MGAT4D: variants seen among roughly 807,000 people sequenced by gnomAD.
MGAT4D encodes MGAT4 family member D.
In MGAT4D, 34 loss-of-function variants were observed where a neutral mutation model predicts 15.9. The ratio of observed to expected loss-of-function variants is 2.14; its 90% CI spans 1.62 to 2.84. The LOEUF (loss-of-function observed/expected upper bound fraction) is 2.84, where lower values mean the gene tolerates loss of function less well. MGAT4D is among the 30% of genes most tolerant of loss of function. The pLI is 0.00. For missense variants in MGAT4D, 327 were observed against 140.2 expected, an observed-to-expected ratio of 2.33 and a Z score of -6.73; for synonymous variants, 112 against 48.2, an observed-to-expected ratio of 2.33 and a Z score of -5.49.
At chr4:140,466,745 A>G (rs1263209961) in intron 5 of MGAT4D, among the ~76,000 whole-genome samples, 2 of 152,120 alleles carry the variant, frequency 1.3e-5, no homozygotes, top group Non-Finnish European at 2.9e-5. Context: ...TTCAACTTGC[A>G]CAATCATTTC....
intron 1 of MGAT4D, among the ~76,000 whole-genome samples, chr4:140,497,125 T>G (rs1733887888): frequency 6.6e-6 from 1 of 152,184 alleles, no homozygotes; most frequent in African/African-American, 2.4e-5. Flanking sequence ...GGCTAAAACA[T>G]GAAGCCACTC....
intron 10 of MGAT4D, among the ~76,000 whole-genome samples, chr4:140,449,191 T>C (rs925069806): frequency 5.3e-5 from 8 of 152,160 alleles, no homozygotes; most frequent in Non-Finnish European, 1.2e-4. Flanking sequence ...TTTCAGAAAG[T>C]ATGGTTTTGT....
chr4:140,482,478 T>C lies in MGAT4D; in HGVS notation c.102A>G (p.Gln34=), dbSNP rs1272602904. 12 of 633,952 alleles carry C rather than the reference T, an allele frequency of 1.9e-5. No individual in the cohort carries two copies. The highest frequency in any genetic ancestry group is 2.2e-5 in the Non-Finnish European group (8 of 361,376). The allele number at this position is 633,952 out of a possible 1,614,324, so 39.3% of individuals were successfully genotyped here. The change falls in exon 2 of 11, where the codon CAA becomes CAG. Residue 34 remains glutamine (Q), a synonymous_variant. Coordinates refer to ENST00000511113, the MANE Select transcript of MGAT4D (RefSeq NM_001277353.2). ...SIYRITQTNN[Q]LINCRNHILE... is the part of the protein sequence containing the mutation. ...AAATATGGTTTCTACAGTTAATTAA[T>C]TGATTATCTGCAATGAAAACATATG...
chr4:140,474,884 G>GTGTC lies in MGAT4D; in HGVS notation c.450_453dup (p.Leu152AspfsTer26). 1.4e-6 allele frequency: 1 copy of GTGTC among 699,252 alleles called. No homozygotes were observed. Among genetic ancestry groups the GTGTC allele is most frequent in the South Asian group, 1.5e-5 (1 of 66,738 alleles). 43.3% of individuals were successfully genotyped at this position (699,252 alleles called of 1,614,324 possible). On this transcript the variant is annotated frameshift_variant, in exon 4 of 11. Coordinates refer to ENST00000511113, the MANE Select transcript of MGAT4D (RefSeq NM_001277353.2). LOFTEE classifies it high-confidence loss of function. ...GTCATCCTGGAGACAACAGAGGTCAGTGTCTGTTTCAGGTAACTATAATTT... is the reference window on the plus strand; with the variant it reads ...GTCATCCTGGAGACAACAGAGGTCAGTGTCTGTCTGTTTCAGGTAACTATAATTT...
intron 10 of MGAT4D, among the ~76,000 whole-genome samples, chr4:140,450,744 A>G (rs1192068160): frequency 6.6e-6 from 1 of 152,156 alleles, no homozygotes; most frequent in Admixed American, 6.6e-5. Context: ...GGTGGAAGAA[A>G]CCTGAAGGAT....
rs369238376 is a variant in MGAT4D, at chr4:140,460,133, C to T, written c.763-507G>A. Among the ~76,000 whole-genome samples, 35 of 152,326 alleles carry T rather than the reference C, an allele frequency of 2.3e-4. 1 individual carries two copies. In the East Asian group the frequency reaches 4.0e-3, roughly 18 times the overall value. ...ATCTGTTTCTTTCCTAAATACTAAA[C>T]ATTCCATCTAAATCCCTCTTTGAAA... On this transcript the variant is annotated intron_variant, in intron 7 of 10. Coordinates refer to ENST00000511113, the MANE Select transcript of MGAT4D (RefSeq NM_001277353.2).
At chr4:140,475,390 T>A (rs1279634585) in intron 3 of MGAT4D, among the ~76,000 whole-genome samples, 1 of 152,168 alleles carries the variant, frequency 6.6e-6, no homozygotes, top group Non-Finnish European at 1.5e-5. Flanking sequence ...AATGATTTGA[T>A]GGAATGAATC....
chr4:140,461,744 A>G (rs1280937718), intron 7 of MGAT4D, among the ~76,000 whole-genome samples, 185 bp downstream of exon 7: 1 of 152,134 alleles, frequency 6.6e-6, no homozygotes, highest in Non-Finnish European at 1.5e-5. Context: ...TGGCATTTTA[A>G]TACAGTGAGT....
intron 6 of MGAT4D, 107 bp downstream of exon 6, chr4:140,464,789 G>A (rs1731420925): frequency 3.2e-6 from 2 of 629,156 alleles, no homozygotes; most frequent in Admixed American, 5.0e-5. Context: ...GTAGAAGCCA[G>A]CTCCAGAACA....
chr4:140,471,005 C>T (rs558963579), intron 5 of MGAT4D, among the ~76,000 whole-genome samples: 1 of 152,050 alleles, frequency 6.6e-6, no homozygotes, highest in South Asian at 2.1e-4. Flanking sequence ...CCACTTCAGC[C>T]TCCCTAGTAG....
chr4:140,468,064 T>A (rs572730462), intron 5 of MGAT4D, among the ~76,000 whole-genome samples: 1 of 151,882 alleles, frequency 6.6e-6, no homozygotes, highest in South Asian at 2.1e-4. Context: ...TATTAAATTA[T>A]TCTATTATAA....
At chr4:140,497,564 C>A (rs750693470) in intron 1 of MGAT4D, among the ~76,000 whole-genome samples, 1 of 152,130 alleles carries the variant, frequency 6.6e-6, no homozygotes, top group Non-Finnish European at 1.5e-5. Flanking sequence ...CACAGGCCTG[C>A]GGTCCATCGG....
At chr4:140,459,472 G>T in intron 8 of MGAT4D, 40 bp downstream of exon 8, 1 of 417,994 alleles carries the variant, frequency 2.4e-6, no homozygotes, top group South Asian at 5.7e-5. Flanking sequence ...ATTATTGTGT[G>T]CTAAAAAACT....
chr4:140,475,972 C>T (rs929567622), intron 3 of MGAT4D, among the ~76,000 whole-genome samples: 5 of 151,814 alleles, frequency 3.3e-5, no homozygotes, highest in African/African-American at 9.7e-5. Context: ...CCACCATGCC[C>T]GGCTAACTTT....
At chr4:140,476,856 T>C (rs936147990) in intron 3 of MGAT4D, among the ~76,000 whole-genome samples, 1 of 152,214 alleles carries the variant, frequency 6.6e-6, no homozygotes, top group South Asian at 2.1e-4. Flanking sequence ...TTATCTTTCA[T>C]AGTACTCATC....
intron 3 of MGAT4D, among the ~76,000 whole-genome samples, chr4:140,479,183 A>G (rs1252873211): frequency 2.0e-5 from 3 of 152,232 alleles, no homozygotes; most frequent in Non-Finnish European, 4.4e-5. Flanking sequence ...GTAAGAATAG[A>G]TTTACCAAAA....
At chr4:140,497,055 A>C (rs568513537) in intron 1 of MGAT4D, among the ~76,000 whole-genome samples, 4 of 152,322 alleles carry the variant, frequency 2.6e-5, no homozygotes, top group Non-Finnish European at 5.9e-5. Context: ...CTAATCTTTG[A>C]AACAAGCAGG....
intron 1 of MGAT4D, among the ~76,000 whole-genome samples, chr4:140,494,685 T>C (rs538603181): frequency 5.9e-5 from 9 of 152,308 alleles, no homozygotes; most frequent in African/African-American, 1.9e-4. Flanking sequence ...CAGCTCCATT[T>C]ATCTAATTAT....
chr4:140,447,713 A>G (rs1730221365), intron 10 of MGAT4D, among the ~76,000 whole-genome samples: 1 of 151,916 alleles, frequency 6.6e-6, no homozygotes, highest in African/African-American at 2.4e-5. Context: ...ATTCAAGATT[A>G]GTATTAATAT....
Sources: gnomAD v4.1 joint callset for allele counts (sites outside exome capture counted in the v4.1 genomes callset) on GRCh38, gnomAD v4.1.1 for gene constraint, MANE v1.5 for transcripts, NCBI Gene and HGNC (gene_info 2026-07-23, HGNC 2026-07-21) for gene names.